The following FGF12 variants were observed in gnomAD, a reference collection of about 807,000 sequenced individuals.
The protein encoded by FGF12 is fibroblast growth factor 12B.
FGF12 carries 14 observed loss-of-function variants against 23.6 expected under a neutral mutation model. The observed-to-expected ratio is 0.59, with a 90% confidence interval of 0.39 to 0.93. The LOEUF (loss-of-function observed/expected upper bound fraction) is 0.93, where lower values mean the gene tolerates loss of function less well. FGF12 is among the 40% of genes least tolerant of loss of function. The pLI is 0.00. For synonymous variants in FGF12, 62 were observed against 77.3 expected (o/e 0.80, Z 1.04); for missense variants, 175 against 217.8 (o/e 0.80, Z 1.24).
In FGF12 at chr3:192,688,562, A is replaced by G. The variant is rs746377724; in HGVS notation, c.13+38619T>C. Among the ~76,000 whole-genome samples the G allele has an allele frequency of 3.2e-4, 49 of 152,232 alleles. 1 individual carries two copies. The highest frequency in any genetic ancestry group is 7.2e-4 in the Admixed American group (11 of 15,286). On this transcript the variant is annotated intron_variant, in intron 2 of 5. Transcript: ENST00000445105. ...AGAATTGGACATTGTCTATGGCCAT[A>G]CCACTCTGAATATGCCCAATCCTGT...
chr3:192,151,175 G>T (rs1336262662), intron 5 of FGF12, among the ~76,000 whole-genome samples: 1 of 123,942 alleles, frequency 8.1e-6, no homozygotes. Flanking sequence ...TTGTATCCTG[G>T]GACTTTGCTG....
chr3:192,359,648 G>A (rs1322081643), intron 3 of FGF12, among the ~76,000 whole-genome samples: 1 of 152,098 alleles, frequency 6.6e-6, no homozygotes, highest in Non-Finnish European at 1.5e-5. Flanking sequence ...GCTTGTATTT[G>A]ACATTTTTCT....
intron 2 of FGF12, among the ~76,000 whole-genome samples, chr3:192,466,079 C>T (rs1006393998): frequency 5.9e-5 from 9 of 152,178 alleles, no homozygotes; most frequent in African/African-American, 2.2e-4. Flanking sequence ...TCCTACATAC[C>T]TAGGCTATGT....
intron 4 of FGF12, among the ~76,000 whole-genome samples, chr3:192,236,196 T>A (rs539339540): frequency 1.4e-4 from 22 of 151,928 alleles, no homozygotes; most frequent in African/African-American, 5.3e-4. Flanking sequence ...TTGATTTCTA[T>A]TCTTATTTTG....
chr3:192,215,748 T>A (rs1447337489), intron 4 of FGF12, among the ~76,000 whole-genome samples: 1 of 152,192 alleles, frequency 6.6e-6, no homozygotes, highest in African/African-American at 2.4e-5. Context: ...GTAGAAGAAA[T>A]TCTGCCAATC....
At chr3:192,168,528 G>T (rs112330307) in intron 5 of FGF12, among the ~76,000 whole-genome samples, 21 of 152,170 alleles carry the variant, frequency 1.4e-4, no homozygotes, top group Non-Finnish European at 3.1e-4. Flanking sequence ...CTTTTTCTCT[G>T]AGTCCCAATA....
At chr3:192,590,398 G>A (rs912423266) in intron 2 of FGF12, among the ~76,000 whole-genome samples, 2 of 151,928 alleles carry the variant, frequency 1.3e-5, no homozygotes, top group African/African-American at 4.8e-5. Flanking sequence ...CCTACATTTC[G>A]AATTCATTTA....
Position 192,408,366 on chromosome 3 carries a change from G to A in FGF12, c.14-47828C>T, listed in dbSNP as rs191546041. On this transcript the variant is annotated intron_variant, in intron 2 of 5. Transcript: ENST00000445105. This position sits in a 1 kb window ranked among gnomAD's most constrained non-coding sequence, Gnocchi z 7.3. ...TAAAATTTGAGGAGGCTGCAGTATCGAAAACCCGGCGCTCACAAGGTTAGT... is the reference window on the plus strand; with the variant it reads ...TAAAATTTGAGGAGGCTGCAGTATCAAAAACCCGGCGCTCACAAGGTTAGT... The A allele has an allele frequency of 3.5e-5, 50 of 1,421,292 alleles. No individual in the cohort carries two copies. Among genetic ancestry groups the A allele is most frequent in the Non-Finnish European group, 4.3e-5 (47 of 1,091,734 alleles). 88.0% of individuals were successfully genotyped at this position (1,421,292 alleles called of 1,614,324 possible). A position where few individuals can be genotyped will look rare whatever the true frequency, so the allele number is the denominator to read the frequency against.
At position 192,170,616 on chromosome 3, in the gene FGF12, AAC is replaced by A; in HGVS notation, c.267_268del (p.Phe90Ter). 6.2e-7 allele frequency: 1 copy of A among 1,613,614 alleles called. No individual in the cohort carries two copies. Among genetic ancestry groups the A allele is most frequent in the Non-Finnish European group, 8.5e-7 (1 of 1,179,810 alleles). On this transcript the variant is annotated frameshift_variant, in exon 5 of 6. Transcript: ENST00000445105. LOFTEE classifies it high-confidence loss of function. Reference sequence around the variant, plus strand: ...AGAATAGATCACATAGTAGTTTTCAAACACAGATTCCTTGAATTTGCATTCTG... The same window carrying A: ...AGAATAGATCACATAGTAGTTTTCAAACAGATTCCTTGAATTTGCATTCTG...
chr3:192,407,892 TG>T (rs1347034848), intron 2 of FGF12: 2 of 1,011,260 alleles, frequency 2.0e-6, no homozygotes, highest in Non-Finnish European at 2.9e-6. Flanking sequence ...GAAAGAAGTC[TG>T]GAAATGAGAG....
intron 2 of FGF12, among the ~76,000 whole-genome samples, chr3:192,667,885 T>C (rs530128519): frequency 2.2e-4 from 34 of 152,258 alleles, no homozygotes; most frequent in African/African-American, 7.9e-4. Context: ...GGAGGGGTTT[T>C]AAGCTGGAAG....
chr3:192,642,918 C>G (rs762140927), intron 2 of FGF12, among the ~76,000 whole-genome samples: 10 of 152,230 alleles, frequency 6.6e-5, no homozygotes, highest in Non-Finnish European at 1.5e-4. Context: ...GAGTCCTACT[C>G]TTTATTTCTT....
In FGF12 at chr3:192,395,611, C is replaced by T. The variant is rs536518645; in HGVS notation, c.14-35073G>A. ...TGTAGAAAGCATTGAAATGACAGGGCGCTTGCCCTCCAGGAACTCACTCTC... is the reference window on the plus strand; with the variant it reads ...TGTAGAAAGCATTGAAATGACAGGGTGCTTGCCCTCCAGGAACTCACTCTC... On this transcript the variant is annotated intron_variant, in intron 2 of 5. Transcript: ENST00000445105. Among the ~76,000 whole-genome samples, 7 of 152,264 alleles carry T rather than the reference C, an allele frequency of 4.6e-5. No individual in the cohort carries two copies. The East Asian group carries it at 5.8e-4, about 13-fold the overall frequency.
At chr3:192,370,285 T>C (rs1239160516) in intron 2 of FGF12, among the ~76,000 whole-genome samples, 1 of 152,228 alleles carries the variant, frequency 6.6e-6, no homozygotes, top group Non-Finnish European at 1.5e-5. Flanking sequence ...TATATGTACA[T>C]GTATAATTTA....
chr3:192,217,082 G>C (rs1174867119), intron 4 of FGF12, among the ~76,000 whole-genome samples: 1 of 152,150 alleles, frequency 6.6e-6, no homozygotes, highest in Non-Finnish European at 1.5e-5. Flanking sequence ...CTTTCAGCCA[G>C]ATAAACCTGG....
At chr3:192,311,333 C>A (rs1715921427) in intron 4 of FGF12, among the ~76,000 whole-genome samples, 1 of 152,158 alleles carries the variant, frequency 6.6e-6, no homozygotes, top group Non-Finnish European at 1.5e-5. Flanking sequence ...CAGTGCTATA[C>A]AACTGCTTTA....
At position 192,154,545 on chromosome 3, in the gene FGF12, A is replaced by T. The variant is rs889529749; in HGVS notation, c.428-10418T>A. Among the ~76,000 whole-genome samples, 28 of 151,324 alleles carry T rather than the reference A, an allele frequency of 1.9e-4. 1 individual carries two copies. The highest frequency in any genetic ancestry group is 6.1e-4 in the African/African-American group (25 of 41,172). The stretch of plus-strand genomic sequence containing the variant: ...TTTCCTTCTAACAGACAGGACCCTC[A>T]GCTGCAGGTCTGTTGGAGTACCCTG... On this transcript the variant is annotated intron_variant, in intron 5 of 5. Transcript: ENST00000445105.
At chr3:192,540,716 C>A (rs976517704) in intron 2 of FGF12, among the ~76,000 whole-genome samples, 1 of 151,992 alleles carries the variant, frequency 6.6e-6, no homozygotes, top group Non-Finnish European at 1.5e-5. Context: ...GATGATGTGT[C>A]GATGATGAAA....
intron 2 of FGF12, among the ~76,000 whole-genome samples, chr3:192,704,966 C>T (rs969545722): frequency 2.6e-5 from 4 of 152,218 alleles, no homozygotes; most frequent in African/African-American, 9.6e-5. Context: ...TCAGCCTTCA[C>T]AGAATTGAAG....
Sources: allele counts gnomAD v4.1 joint callset (sites outside exome capture counted in the v4.1 genomes callset), GRCh38; gene constraint gnomAD v4.1.1; non-coding constraint Gnocchi (gnomAD v3.1); transcripts MANE v1.5; gene names NCBI Gene and HGNC (gene_info 2026-07-23, HGNC 2026-07-21).